Variants in XXYLT1 observed in about 807,000 individuals in gnomAD.
The protein encoded by XXYLT1 is xyloside xylosyltransferase 1.
A neutral mutation model predicts 28.9 loss-of-function variants in XXYLT1; 20 were observed. The observed-to-expected ratio is 0.69, with a 90% CI of 0.49 to 1.00. XXYLT1 has a LOEUF of 1.00. Ranked by LOEUF, XXYLT1 falls within the 50% of genes least tolerant of loss-of-function variation. XXYLT1 has a pLI of 0.00. For missense variants in XXYLT1, 542 were observed against 560.1 expected (o/e 0.97, Z 0.33); for synonymous variants, 257 against 253.8 (o/e 1.01, Z -0.12).
Position 195,069,520 on chromosome 3 carries a change from C to T in XXYLT1, c.*195G>A. The T allele has an allele frequency of 1.4e-6, 1 of 709,530 alleles. No individual in the cohort carries two copies. The allele number at this position is 709,530 out of a possible 1,614,324, so 44.0% of individuals were successfully genotyped here. A position where few individuals can be genotyped will look rare whatever the true frequency, so the allele number is the denominator to read the frequency against. On this transcript the variant is annotated 3_prime_UTR_variant, in exon 4 of 4. Transcript: ENST00000310380. ...CCCTGGAGGAATAAGGTCCCAAGCA[C>T]CAGCAGTGCACAGGCCAGTCCTTGG...
intron 3 of XXYLT1, among the ~76,000 whole-genome samples, chr3:195,099,139 C>G (rs1221481773): frequency 1.3e-4 from 20 of 152,246 alleles, no homozygotes; most frequent in Admixed American, 1.3e-3. Flanking sequence ...ACACCGCGTT[C>G]TCAAACAACC....
chr3:195,215,007 G>A (rs1405519320), intron 2 of XXYLT1: 13 of 150,834 alleles, frequency 8.6e-5, no homozygotes, highest in African/African-American at 3.2e-4. Context: ...AGAGAGTGGG[G>A]GCCAATATTC....
chr3:195,112,436 ACGCACG>A (rs1560102509), intron 3 of XXYLT1, among the ~76,000 whole-genome samples: 1 of 47,870 alleles, frequency 2.1e-5, no homozygotes, highest in East Asian at 2.0e-4. Context: ...ATGCACACAC[ACGCACG>A]CACACCCACA....
chr3:195,121,941 C>T, intron 3 of XXYLT1: 1 of 671,060 alleles, frequency 1.5e-6, no homozygotes, highest in Non-Finnish European at 2.7e-6. Context: ...CATTGTCATC[C>T]TCCATTCCTC....
chr3:195,088,674 G>T (rs1715953315), intron 3 of XXYLT1, among the ~76,000 whole-genome samples: 4 of 140,478 alleles, frequency 2.8e-5, no homozygotes, highest in South Asian at 2.6e-4. Context: ...AAGCTGGATG[G>T]AGAATGACTT....
chr3:195,073,052 G>A (rs1714916859), intron 3 of XXYLT1, among the ~76,000 whole-genome samples: 1 of 152,190 alleles, frequency 6.6e-6, no homozygotes, highest in African/African-American at 2.4e-5. Flanking sequence ...CTCCCTGGCA[G>A]CCCAGGGACA....
intron 3 of XXYLT1, chr3:195,122,134 G>A (rs917233273): frequency 2.8e-6 from 2 of 702,856 alleles, no homozygotes; most frequent in African/African-American, 1.7e-5. Context: ...CTCCTCATAT[G>A]GTGAAGGGGT....
At chr3:195,223,166 GA>G (rs1396016391) in intron 2 of XXYLT1, among the ~76,000 whole-genome samples, 5 of 152,128 alleles carry the variant, frequency 3.3e-5, no homozygotes, top group Non-Finnish European at 7.4e-5. Flanking sequence ...CCGGGAAGCA[GA>G]GGTTGCAGTG....
At chr3:195,113,118 G>A (rs538483734) in intron 3 of XXYLT1, among the ~76,000 whole-genome samples, 1 of 152,204 alleles carries the variant, frequency 6.6e-6, no homozygotes, top group Non-Finnish European at 1.5e-5. Context: ...TTCATATGAG[G>A]AGCCCTCGCA....
intron 2 of XXYLT1, among the ~76,000 whole-genome samples, chr3:195,211,840 G>A (rs1385057399): frequency 6.6e-6 from 1 of 151,206 alleles, no homozygotes; most frequent in Non-Finnish European, 1.5e-5. Flanking sequence ...ATCTGGAGGA[G>A]GAGAGGGGGC....
chr3:195,165,349 GATCCTCTCCCAGAAA>G (rs1721066260), intron 2 of XXYLT1, among the ~76,000 whole-genome samples: 1 of 152,090 alleles, frequency 6.6e-6, no homozygotes, highest in Non-Finnish European at 1.5e-5. Context: ...AAACTCCTGA[GATCCTCTCCCAGAAA>G]GGGCAAATAG....
chr3:195,160,694 G>T (rs1172035344), intron 2 of XXYLT1, among the ~76,000 whole-genome samples: 1 of 152,218 alleles, frequency 6.6e-6, no homozygotes, highest in Non-Finnish European at 1.5e-5. Flanking sequence ...GACCCCAGAG[G>T]AGTTGTTTTG....
At chr3:195,169,923 T>C (rs1279959561) in intron 2 of XXYLT1, among the ~76,000 whole-genome samples, 1 of 150,964 alleles carries the variant, frequency 6.6e-6, no homozygotes, top group Non-Finnish European at 1.5e-5. Context: ...CAGAGTGTAA[T>C]GGCACGATCT....
chr3:195,178,526 C>T (rs1283439202), intron 2 of XXYLT1, among the ~76,000 whole-genome samples: 1 of 152,176 alleles, frequency 6.6e-6, no homozygotes, highest in African/African-American at 2.4e-5. Context: ...CTCAGTGTCT[C>T]CAGCAGGACG....
intron 2 of XXYLT1, among the ~76,000 whole-genome samples, chr3:195,189,935 GAA>G (rs1391071216): frequency 6.6e-6 from 1 of 151,992 alleles, no homozygotes; most frequent in African/African-American, 2.4e-5. Context: ...CAAAGAGAAA[GAA>G]AAAAGTCTTG....
chr3:195,139,073 A>G (rs1238012828), intron 3 of XXYLT1, among the ~76,000 whole-genome samples: 6 of 152,060 alleles, frequency 3.9e-5, no homozygotes, highest in African/African-American at 1.4e-4. Flanking sequence ...GCAGGGAGGG[A>G]GTAGCTGCCC....
chr3:195,205,093 CT>C (rs1723013729), intron 2 of XXYLT1, among the ~76,000 whole-genome samples: 1 of 152,206 alleles, frequency 6.6e-6, no homozygotes. Flanking sequence ...CTGCCAAACT[CT>C]GGCAAATCGC....
At chr3:195,252,836 T>C (rs1725323857) in intron 1 of XXYLT1, among the ~76,000 whole-genome samples, 1 of 151,914 alleles carries the variant, frequency 6.6e-6, no homozygotes, top group African/African-American at 2.4e-5. Flanking sequence ...CTATAACGTA[T>C]GCTACAGTGA....
intron 1 of XXYLT1, among the ~76,000 whole-genome samples, chr3:195,266,542 G>C (rs1034786502): frequency 1.5e-4 from 23 of 152,078 alleles, no homozygotes; most frequent in African/African-American, 5.3e-4. Context: ...TTTTAGCAAG[G>C]TGAATGTGGC....
Sources: gnomAD v4.1 joint callset for allele counts (sites outside exome capture counted in the v4.1 genomes callset) on GRCh38, gnomAD v4.1.1 for gene constraint, MANE v1.5 for transcripts, NCBI Gene and HGNC (gene_info 2026-07-23, HGNC 2026-07-21) for gene names.